The following CENPC variants were observed in gnomAD, a reference collection of about 807,000 sequenced individuals.
CENPC encodes CENP-C 1.
CENPC carries 63 observed loss-of-function variants against 112.1 expected under a neutral mutation model. The ratio of observed to expected loss-of-function variants is 0.56; its 90% confidence interval spans 0.46 to 0.69. The LOEUF is 0.69. Ranked by LOEUF, CENPC falls within the 30% of genes least tolerant of loss-of-function variation. The pLI, the probability that CENPC is intolerant of heterozygous loss-of-function variation, is 0.00. For missense variants in CENPC, 1,000 were observed against 1,103.8 expected (o/e 0.91, Z 1.33); for synonymous variants, 333 against 367.6 (o/e 0.91, Z 1.08).
intron 2 of CENPC, among the ~76,000 whole-genome samples, chr4:67,543,159 G>C (rs957602983): frequency 2.0e-5 from 3 of 152,074 alleles, no homozygotes; most frequent in Non-Finnish European, 2.9e-5. Context: ...GCCTATAATA[G>C]ATGCCTAAAG....
In CENPC at chr4:67,518,456, C is replaced by T. The variant is rs180875983; in HGVS notation, c.618-88G>A. The T allele has an allele frequency of 7.2e-4, 936 of 1,300,306 alleles. 8 individuals carry two copies. In the African/African-American group the frequency reaches 0.012, roughly 17 times the overall value. The allele number at this position is 1,300,306 out of a possible 1,614,324, so 80.5% of individuals were successfully genotyped here. A position where few individuals can be genotyped will look rare whatever the true frequency, so the allele number is the denominator to read the frequency against. ...CCTGAACTCCTTTACAGAGACAATA[C>T]AGACCAATTTAAAATTCTGTACTAG... On this transcript the variant is annotated intron_variant, in intron 6 of 18. Transcript: ENST00000273853.
chr4:67,536,142 T>C (rs1273362584), intron 4 of CENPC, among the ~76,000 whole-genome samples: 2 of 151,902 alleles, frequency 1.3e-5, no homozygotes, highest in African/African-American at 4.8e-5. Context: ...CACAGATAAT[T>C]TAAAAAGGTG....
rs565528159 is a variant in CENPC at position 67,486,970 on chromosome 4, T to TTTG, written c.2670+2996_2670+2997insCAA. 4.3e-3 allele frequency among the ~76,000 whole-genome samples: 646 copies of TTTG among 149,972 alleles called. 12 individuals carry two copies. Among genetic ancestry groups the TTTG allele is most frequent in the Middle Eastern group, 0.024 (7 of 294 alleles). ...TCAGGTTTTGTATTTGCTTTTAGGTTTTTTTTTTTTTTTTTCTTTTTTAAG... is the reference window on the plus strand; with the variant it reads ...TCAGGTTTTGTATTTGCTTTTAGGTTTTGTTTTTTTTTTTTTTTCTTTTTTAAG... On this transcript the variant is annotated intron_variant, in intron 17 of 18. Coordinates refer to ENST00000273853, the MANE Select transcript of CENPC (RefSeq NM_001812.4).
At chr4:67,486,110 GT>G (rs760131955) in intron 17 of CENPC, among the ~76,000 whole-genome samples, 26 of 152,082 alleles carry the variant, frequency 1.7e-4, no homozygotes, top group African/African-American at 6.3e-4. Flanking sequence ...TATTTCTAGT[GT>G]TTTTTTCTCA....
At chr4:67,486,620 ACAG>A (rs1025031869) in intron 17 of CENPC, among the ~76,000 whole-genome samples, 1 of 152,166 alleles carries the variant, frequency 6.6e-6, no homozygotes, top group Non-Finnish European at 1.5e-5. Flanking sequence ...TGTCACAACT[ACAG>A]TGGTGCTACT....
chr4:67,534,469 TC>T (rs1726657382), intron 4 of CENPC, among the ~76,000 whole-genome samples: 1 of 152,110 alleles, frequency 6.6e-6, no homozygotes. Flanking sequence ...TTATTTACTC[TC>T]TTGAGTTTCT....
intron 12 of CENPC, among the ~76,000 whole-genome samples, chr4:67,495,627 C>G (rs1725410276): frequency 6.6e-6 from 1 of 151,968 alleles, no homozygotes; most frequent in South Asian, 2.1e-4. Flanking sequence ...GGTTTTTATT[C>G]TAAACAGTGT....
chr4:67,484,726 T>C (rs1224067818), intron 17 of CENPC, among the ~76,000 whole-genome samples: 1 of 152,180 alleles, frequency 6.6e-6, no homozygotes, highest in East Asian at 1.9e-4. Context: ...TTTTTCCTTA[T>C]TTTGTTTTTC....
At chr4:67,480,709 A>C (rs1171456580) in intron 17 of CENPC, among the ~76,000 whole-genome samples, 1 of 152,226 alleles carries the variant, frequency 6.6e-6, no homozygotes, top group Non-Finnish European at 1.5e-5. Context: ...TGATCAGCTC[A>C]ATAGATGCAG....
At position 67,514,126 on chromosome 4, in the gene CENPC, C is replaced by A; in HGVS notation, c.1392G>T (p.Glu464Asp). The A allele has an allele frequency of 1.2e-6, 2 of 1,609,172 alleles. No individual in the cohort carries two copies. The highest frequency in any genetic ancestry group is 1.7e-6 in the Non-Finnish European group (2 of 1,178,350). Residue 464 changes from glutamate (E) to aspartate (D), a missense_variant, in exon 8 of 19, where the codon GAG becomes GAT. Coordinates refer to ENST00000273853, the MANE Select transcript of CENPC (RefSeq NM_001812.4). ...CACAATCATTTCCCATCTCTTCATG[C>A]TCTTCCATATTTCTGTCTGAATTTC... is the stretch of plus-strand genomic sequence containing the variant. Reference protein sequence around the residue: ...FQRNSDRNMEEHEEMGNDCVS... With the variant: ...FQRNSDRNMEDHEEMGNDCVS...
At chr4:67,509,999 A>G (rs1433289510) in intron 9 of CENPC, among the ~76,000 whole-genome samples, 1 of 152,116 alleles carries the variant, frequency 6.6e-6, no homozygotes, top group Non-Finnish European at 1.5e-5. Context: ...CTCCAAACAA[A>G]CAAACCAAAA....
chr4:67,497,339 T>C (rs1725463978), intron 12 of CENPC, among the ~76,000 whole-genome samples: 3 of 151,760 alleles, frequency 2.0e-5, no homozygotes, highest in South Asian at 4.2e-4. Context: ...GATCACACCA[T>C]TGCACTCCAC....
intron 5 of CENPC, among the ~76,000 whole-genome samples, chr4:67,528,783 G>C (rs1237224024): frequency 6.6e-6 from 1 of 152,078 alleles, no homozygotes; most frequent in Non-Finnish European, 1.5e-5. Context: ...ACGAATATTA[G>C]TATACAAATG....
chr4:67,526,157 G>A (rs1048864884), intron 5 of CENPC, among the ~76,000 whole-genome samples: 1 of 151,908 alleles, frequency 6.6e-6, no homozygotes, highest in African/African-American at 2.4e-5. Flanking sequence ...CACACACCAG[G>A]GCCTGTGGTG....
rs548794578 is a variant in CENPC, at chr4:67,468,943, A to C, written c.*3662T>G. On this transcript the variant is annotated 3_prime_UTR_variant, in exon 19 of 19. Coordinates refer to ENST00000273853, the MANE Select transcript of CENPC (RefSeq NM_001812.4). ...TATATTATTCCATTGCTACAACAAT[A>C]TATAAGTGACAATATTACAGAGATG... The C allele has an allele frequency of 2.0e-5, 3 of 152,344 alleles. No homozygotes were observed. The highest frequency in any genetic ancestry group is 7.2e-5 in the African/African-American group (3 of 41,578). 9.4% of individuals were successfully genotyped at this position (152,344 alleles called of 1,614,324 possible).
chr4:67,518,549 T>C (rs945448948), intron 6 of CENPC, among the ~76,000 whole-genome samples, 181 bp from the exon 7 acceptor site: 2 of 152,108 alleles, frequency 1.3e-5, no homozygotes, highest in African/African-American at 4.8e-5. Flanking sequence ...CTCAGGAAAA[T>C]TAACTTTTGT....
At position 67,472,431 on chromosome 4, in the gene CENPC, AAT is replaced by A. The variant is rs963984618; in HGVS notation, c.*172_*173del. Reference sequence around the variant, plus strand: ...AAGCTATTATGTACAGTCACTGAAAAATCAGAAAAAACATGTGAGTTAGAAAT... The same window carrying A: ...AAGCTATTATGTACAGTCACTGAAAACAGAAAAAACATGTGAGTTAGAAAT... On this transcript the variant is annotated 3_prime_UTR_variant, in exon 19 of 19. Coordinates refer to ENST00000273853, the MANE Select transcript of CENPC (RefSeq NM_001812.4). The A allele has an allele frequency of 9.6e-6, 8 of 831,378 alleles. No homozygotes were observed. The African/African-American group carries it at 1.6e-4, about 17-fold the overall frequency. 51.5% of individuals were successfully genotyped at this position (831,378 alleles called of 1,614,324 possible). A position where few individuals can be genotyped will look rare whatever the true frequency, so the allele number is the denominator to read the frequency against.
Position 67,515,511 on chromosome 4 carries a change from TC to T in CENPC, c.831-825del, listed in dbSNP as rs555606613. On this transcript the variant is annotated intron_variant, in intron 7 of 18. Coordinates refer to ENST00000273853, the MANE Select transcript of CENPC (RefSeq NM_001812.4). ...AGAGAGAGAGAGATTGGGGACAATT[TC>T]TTCCTATCTTTTTTTACATCCCACA... Among the ~76,000 whole-genome samples the T allele has an allele frequency of 7.2e-5, 11 of 151,824 alleles. 1 individual carries two copies. The highest frequency in any genetic ancestry group is 2.7e-4 in the African/African-American group (11 of 41,260).
In CENPC at chr4:67,514,188, T is replaced by C. The variant is rs1380718584; in HGVS notation, c.1330A>G (p.Ile444Val). The change falls in exon 8 of 19, where the codon ATA becomes GTA. Residue 444 changes from isoleucine (I) to valine (V), a missense_variant. By Grantham distance (29) the Ile-to-Val change is conservative. Transcript: ENST00000273853. ...LDVGQSKDENIHTSHITQDEF... is the reference protein window; with the variant it reads ...LDVGQSKDENVHTSHITQDEF... ...TCTTGGGTAATATGTGATGTATGTA[T>C]GTTTTCATCTTTAGACTGTCCCACA... The C allele has an allele frequency of 3.1e-6, 5 of 1,613,100 alleles. No homozygotes were observed. Among genetic ancestry groups the C allele is most frequent in the Non-Finnish European group, 3.4e-6 (4 of 1,179,576 alleles).
Sources: gnomAD v4.1 joint callset for allele counts (sites outside exome capture counted in the v4.1 genomes callset) on GRCh38, gnomAD v4.1.1 for gene constraint, MANE v1.5 for transcripts, NCBI Gene and HGNC (gene_info 2026-07-23, HGNC 2026-07-21) for gene names.